The following GDF1 variants were observed in gnomAD, a reference collection of about 807,000 sequenced individuals.
GDF1 encodes the protein embryonic growth/differentiation factor 1.
GDF1 carries 8 observed loss-of-function variants against 7.4 expected under a neutral mutation model. The observed-to-expected ratio is 1.09, with a 90% CI of 0.64 to 1.96. The LOEUF is 1.96. GDF1 is among the 30% of genes most tolerant of loss of function. The pLI is 0.00. For missense variants in GDF1, 574 were observed against 551.5 expected (o/e 1.04, Z -0.41); for synonymous variants, 311 against 276.7 (o/e 1.12, Z -1.23).
At position 18,878,112 on chromosome 19, in the gene GDF1, T is replaced by C; in HGVS notation, c.-313+818A>G. ...GCCACTGCTTCCCTGAAACCATCGT[T>C]CCCACGTCACCGATGGCCCCCACCG... is the stretch of plus-strand genomic sequence containing the variant. On this transcript the variant is annotated intron_variant, in intron 6 of 7. Coordinates refer to ENST00000247005, the MANE Select transcript of GDF1 (RefSeq NM_001492.6). This position sits in a 1 kb window ranked among gnomAD's most constrained non-coding sequence, Gnocchi z 4.6. The C allele has an allele frequency of 1.0e-6, 1 of 985,494 alleles. No individual in the cohort carries two copies. Among genetic ancestry groups the C allele is most frequent in the East Asian group, 1.1e-4 (1 of 8,802 alleles). The allele number at this position is 985,494 out of a possible 1,614,324, so 61.0% of individuals were successfully genotyped here. A position where few individuals can be genotyped will look rare whatever the true frequency, so the allele number is the denominator to read the frequency against.
chr19:18,886,060 C>T (rs1568303100), intron 2 of GDF1, among the ~76,000 whole-genome samples: 2 of 152,182 alleles, frequency 1.3e-5, no homozygotes, highest in African/African-American at 4.8e-5. Context: ...ACCACGTCCA[C>T]CTCCTCCTCT....
At chr19:18,889,649 C>T (rs182696982) in intron 2 of GDF1, among the ~76,000 whole-genome samples, 1 of 152,154 alleles carries the variant, frequency 6.6e-6, no homozygotes, top group Admixed American at 6.5e-5. Context: ...AGGTTGGTCT[C>T]GAACTCCTGG....
chr19:18,875,731 G>A (rs1312238594), intron 6 of GDF1, among the ~76,000 whole-genome samples: 1 of 152,152 alleles, frequency 6.6e-6, no homozygotes, highest in African/African-American at 2.4e-5. Context: ...AACAAGACCA[G>A]TGACCCTGAC....
chr19:18,876,278 G>A (rs1433756776), intron 6 of GDF1, among the ~76,000 whole-genome samples: 2 of 152,048 alleles, frequency 1.3e-5, no homozygotes, highest in African/African-American at 2.4e-5. Context: ...GAGCCACCGC[G>A]CCTGGTCTTC....
Position 18,878,746 on chromosome 19 carries a change from T to C in GDF1, c.-313+184A>G, listed in dbSNP as rs185468299. On this transcript the variant is annotated intron_variant, in intron 6 of 7. Transcript: ENST00000247005. The surrounding 1 kb of genome is among the most constrained non-coding windows in gnomAD (Gnocchi z 4.6). ...CTCTCCCTCCCCTTCCTCACTGTCCTGTCCTTCAGGGTACTGGCCACATCG... is the reference window on the plus strand; with the variant it reads ...CTCTCCCTCCCCTTCCTCACTGTCCCGTCCTTCAGGGTACTGGCCACATCG... 1.8e-5 allele frequency: 26 copies of C among 1,409,250 alleles called. No individual in the cohort carries two copies. The East Asian group carries it at 6.2e-4, about 33-fold the overall frequency. 87.3% of individuals were successfully genotyped at this position (1,409,250 alleles called of 1,614,324 possible).
chr19:18,878,727 C>A lies in GDF1; in HGVS notation c.-313+203G>T. 7.2e-7 allele frequency: 1 copy of A among 1,390,620 alleles called. No individual in the cohort carries two copies. 86.1% of individuals were successfully genotyped at this position (1,390,620 alleles called of 1,614,324 possible). A position where few individuals can be genotyped will look rare whatever the true frequency, so the allele number is the denominator to read the frequency against. On this transcript the variant is annotated intron_variant, in intron 6 of 7. Transcript: ENST00000247005. This position sits in a 1 kb window ranked among gnomAD's most constrained non-coding sequence, Gnocchi z 4.6. ...CTGCCTGCCCCTCCCCAGCCTCTCC[C>A]TCCCCTTCCTCACTGTCCTGTCCTT... is the stretch of plus-strand genomic sequence containing the variant.
Position 18,883,248 on chromosome 19 carries a change from G to A in GDF1, c.-733+839C>T, listed in dbSNP as rs562365576. On this transcript the variant is annotated intron_variant, in intron 3 of 7. Coordinates refer to ENST00000247005, the MANE Select transcript of GDF1 (RefSeq NM_001492.6). ...CCCGTAGGAATAGTATATGAGCAGT[G>A]TATTTCATTTTAAAGTTTCTATTGG... is the stretch of plus-strand genomic sequence containing the variant. The A allele has an allele frequency of 9.2e-5, 14 of 152,280 alleles. No individual in the cohort carries two copies. In the South Asian group the frequency reaches 2.7e-3, roughly 29 times the overall value. The allele number at this position is 152,280 out of a possible 1,614,324, so 9.4% of individuals were successfully genotyped here.
rs1029277481 is a variant in GDF1 at position 18,878,067 on chromosome 19, A to G, written c.-313+863T>C. ...CTGCATCTCGCACCTCCCGTTCCAAAAAACGTCACGGAGCTCTGAGCCACT... is the reference window on the plus strand; with the variant it reads ...CTGCATCTCGCACCTCCCGTTCCAAGAAACGTCACGGAGCTCTGAGCCACT... On this transcript the variant is annotated intron_variant, in intron 6 of 7. Coordinates refer to ENST00000247005, the MANE Select transcript of GDF1 (RefSeq NM_001492.6). This position sits in a 1 kb window ranked among gnomAD's most constrained non-coding sequence, Gnocchi z 4.6. 2 of 985,464 alleles carry G rather than the reference A, an allele frequency of 2.0e-6. No individual in the cohort carries two copies. The highest frequency in any genetic ancestry group is 1.2e-6 in the Non-Finnish European group (1 of 829,974). 61.0% of individuals were successfully genotyped at this position (985,464 alleles called of 1,614,324 possible).
At chr19:18,888,853 C>CA (rs1257577996) in intron 2 of GDF1, among the ~76,000 whole-genome samples, 6 of 149,636 alleles carry the variant, frequency 4.0e-5, no homozygotes, top group Non-Finnish European at 8.9e-5. Context: ...AACAAACAAA[C>CA]AAAAAACCCT....
chr19:18,883,701 G>A (rs1387428620), intron 3 of GDF1, among the ~76,000 whole-genome samples: 3 of 152,218 alleles, frequency 2.0e-5, no homozygotes, highest in East Asian at 3.8e-4. Context: ...ACATCAGGGT[G>A]TGTCAGCTGC....
At chr19:18,872,501 C>T (rs1489510087) in intron 6 of GDF1, among the ~76,000 whole-genome samples, 2 of 152,010 alleles carry the variant, frequency 1.3e-5, no homozygotes, top group Admixed American at 6.5e-5. Context: ...GCATGCAACA[C>T]CATGCCCGGG....
intron 2 of GDF1, among the ~76,000 whole-genome samples, chr19:18,886,538 C>T (rs1283356040): frequency 6.6e-6 from 1 of 152,034 alleles, no homozygotes; most frequent in Non-Finnish European, 1.5e-5. Context: ...CTGGGAGACA[C>T]AGCCAGACCC....
intron 2 of GDF1, among the ~76,000 whole-genome samples, chr19:18,887,741 T>C (rs888212725): frequency 8.2e-6 from 1 of 122,322 alleles, no homozygotes; most frequent in African/African-American, 2.9e-5. Flanking sequence ...TGAAACTCCA[T>C]CTCAAAAAAA....
rs45601540 is a variant in GDF1 at position 18,884,185 on chromosome 19, G to A, written c.-831C>T. The A allele has an allele frequency of 9.0e-3, 14,602 of 1,613,654 alleles. 100 individuals carry two copies. Among genetic ancestry groups the A allele is most frequent in the Non-Finnish European group, 0.011 (12,433 of 1,179,804 alleles). On this transcript the variant is annotated 5_prime_UTR_variant, in exon 3 of 8. It adds an upstream start codon to the 5' untranslated region. Coordinates refer to ENST00000247005, the MANE Select transcript of GDF1 (RefSeq NM_001492.6). ...GCCAGGTGTCCATGTATAGCGTAGC[G>A]TAGATGGAGTGGCCATAGAAGCTTC...
chr19:18,880,576 G>A (rs1189257931), intron 3 of GDF1, 141 bp from the exon 4 acceptor site: 4 of 754,722 alleles, frequency 5.3e-6, no homozygotes, highest in Admixed American at 3.1e-5. Context: ...TGCCTCGCCT[G>A]CCCTGCCCAT....
At chr19:18,869,795 T>C (rs2145988372) in intron 7 of GDF1, among the ~76,000 whole-genome samples, 188 bp downstream of exon 7, 1 of 152,174 alleles carries the variant, frequency 6.6e-6, no homozygotes, top group South Asian at 2.1e-4. Flanking sequence ...GGGAACCCCC[T>C]GACATGTGTC....
chr19:18,892,470 C>T (rs994182751), intron 2 of GDF1, among the ~76,000 whole-genome samples: 2 of 151,852 alleles, frequency 1.3e-5, no homozygotes, highest in Admixed American at 1.3e-4. Context: ...AAAAATTAGC[C>T]GGGCGTGGTG....
chr19:18,877,756 CAAAAAAAA>C (rs386388683), intron 6 of GDF1, among the ~76,000 whole-genome samples: 1 of 103,974 alleles, frequency 9.6e-6, no homozygotes, highest in South Asian at 3.5e-4. Context: ...GACCCTGTCT[CAAAAAAAA>C]AAAAAAAAAA....
At chr19:18,876,156 T>G (rs932109595) in intron 6 of GDF1, among the ~76,000 whole-genome samples, 3 of 151,970 alleles carry the variant, frequency 2.0e-5, no homozygotes, top group African/African-American at 7.3e-5. Context: ...GGATAATTTT[T>G]CGTATTTTTA....
Sources: allele counts gnomAD v4.1 joint callset (sites outside exome capture counted in the v4.1 genomes callset), GRCh38; gene constraint gnomAD v4.1.1; non-coding constraint Gnocchi (gnomAD v3.1); transcripts MANE v1.5; gene names NCBI Gene and HGNC (gene_info 2026-07-23, HGNC 2026-07-21).